TMEM62: variants seen among roughly 807,000 people sequenced by gnomAD.
TMEM62 encodes the protein transmembrane protein 62.
Under a neutral mutation model 70.4 loss-of-function variants are expected in TMEM62, and 41 were observed. The observed-to-expected ratio is 0.58, with a 90% CI of 0.45 to 0.76. The LOEUF (loss-of-function observed/expected upper bound fraction) is 0.76, where lower values mean the gene tolerates loss of function less well. Among genes scored for constraint, TMEM62 ranks in the 30% least tolerant of loss-of-function variants. The pLI, the probability that TMEM62 is intolerant of heterozygous loss-of-function variation, is 0.00. For missense variants in TMEM62, 688 were observed against 788.5 expected (o/e 0.87, Z 1.53); for synonymous variants, 268 against 291.0 (o/e 0.92, Z 0.80).
intron 11 of TMEM62, among the ~76,000 whole-genome samples, chr15:43,172,573 G>A (rs967767800): frequency 6.6e-6 from 1 of 152,112 alleles, no homozygotes; most frequent in African/African-American, 2.4e-5. Flanking sequence ...ATATAGTTTT[G>A]TGACCTTTTG....
rs1206695325 is a variant in TMEM62 at position 43,154,657 on chromosome 15, A to G, written c.1023-15A>G. 11 of 1,592,192 alleles carry G rather than the reference A, an allele frequency of 6.9e-6. No individual in the cohort carries two copies. Among genetic ancestry groups the G allele is most frequent in the South Asian group, 1.1e-5 (1 of 87,114 alleles). On this transcript the variant is annotated splice_polypyrimidine_tract_variant and intron_variant, in intron 8 of 13. Coordinates refer to ENST00000260403, the MANE Select transcript of TMEM62 (RefSeq NM_024956.4). ...AAACCTCAAACCATGTGTTTTATATATGCTCTCATTTTAGAGTCTTGGCCT... is the reference window on the plus strand; with the variant it reads ...AAACCTCAAACCATGTGTTTTATATGTGCTCTCATTTTAGAGTCTTGGCCT...
At chr15:43,155,025 C>T (rs934277860) in intron 9 of TMEM62, among the ~76,000 whole-genome samples, 194 bp downstream of exon 9, 12 of 152,070 alleles carry the variant, frequency 7.9e-5, no homozygotes, top group African/African-American at 2.9e-4. Context: ...CATAGGAGTT[C>T]GAGACCAGCC....
At chr15:43,158,236 C>T (rs1375976555) in intron 9 of TMEM62, among the ~76,000 whole-genome samples, 4 of 152,050 alleles carry the variant, frequency 2.6e-5, no homozygotes, top group Non-Finnish European at 5.9e-5. Flanking sequence ...ACAGGATGCC[C>T]ATAATATTTG....
chr15:43,155,098 A>G (rs1007681598), intron 9 of TMEM62, among the ~76,000 whole-genome samples: 10 of 152,124 alleles, frequency 6.6e-5, no homozygotes, highest in South Asian at 2.1e-4. Context: ...GCACAGTGGC[A>G]TGTGCCTGTA....
intron 11 of TMEM62, among the ~76,000 whole-genome samples, chr15:43,171,793 A>C (rs973305431): frequency 4.0e-5 from 6 of 151,512 alleles, no homozygotes; most frequent in African/African-American, 4.9e-5. Flanking sequence ...ACGCCTGGCT[A>C]ATTTTTTGCA....
intron 11 of TMEM62, among the ~76,000 whole-genome samples, chr15:43,176,874 C>G: frequency 6.6e-6 from 1 of 152,098 alleles, no homozygotes; most frequent in South Asian, 2.1e-4. Flanking sequence ...AGGCTTCAGA[C>G]GATCAAACTA....
At chr15:43,135,850 C>T (rs1056479735) in intron 3 of TMEM62, 14 of 487,808 alleles carry the variant, frequency 2.9e-5, no homozygotes, top group African/African-American at 2.2e-4. Context: ...TTGGTATGGT[C>T]CTTTTTTTGT....
intron 11 of TMEM62, among the ~76,000 whole-genome samples, chr15:43,170,878 T>C (rs2040114965): frequency 6.6e-6 from 1 of 152,160 alleles, no homozygotes; most frequent in Non-Finnish European, 1.5e-5. Flanking sequence ...AGAAAAAGCA[T>C]GGGAAATTTC....
chr15:43,146,388 G>T, intron 4 of TMEM62, 105 bp from the exon 5 acceptor site: 1 of 1,078,632 alleles, frequency 9.3e-7, no homozygotes. Flanking sequence ...TGTCAGATCA[G>T]CAAATCTCGT....
chr15:43,138,046 C>T (rs1567175202), intron 3 of TMEM62, among the ~76,000 whole-genome samples: 1 of 152,248 alleles, frequency 6.6e-6, no homozygotes, highest in African/African-American at 2.4e-5. Context: ...CTACCTGCTG[C>T]AGCCCTGAAG....
At chr15:43,168,007 G>A (rs894089659) in intron 10 of TMEM62, among the ~76,000 whole-genome samples, 2 of 151,850 alleles carry the variant, frequency 1.3e-5, no homozygotes, top group East Asian at 3.9e-4. Context: ...GCCTGCAATC[G>A]CAGGCACTCG....
Position 43,154,759 on chromosome 15 carries a change from TC to T in TMEM62, c.1113del (p.Ile372PhefsTer4), listed in dbSNP as rs1199869400. 6.2e-7 allele frequency: 1 copy of T among 1,613,886 alleles called. No individual in the cohort carries two copies. The highest frequency in any genetic ancestry group is 1.3e-5 in the African/African-American group (1 of 74,920). Reference sequence around the variant, plus strand: ...TAGGCCAGGCTGTTCATGTGTCTGGTCCCATTTTCGTACTGAAGTGGAATCC... The same window carrying T: ...TAGGCCAGGCTGTTCATGTGTCTGGTCCATTTTCGTACTGAAGTGGAATCC... The part of the protein sequence containing the change: ...HLGQAVHVSG[P>X]IFVLKWNPRN... On this transcript the variant is annotated frameshift_variant, in exon 9 of 14. Transcript: ENST00000260403. LOFTEE classifies it high-confidence loss of function.
intron 11 of TMEM62, 121 bp from the exon 12 acceptor site, chr15:43,178,486 C>T (rs2041005173): frequency 4.9e-6 from 3 of 616,612 alleles, no homozygotes; most frequent in South Asian, 4.5e-5. Context: ...TGTATAGTTA[C>T]CATCTAACAA....
chr15:43,167,984 C>T (rs1201678496), intron 10 of TMEM62, among the ~76,000 whole-genome samples: 2 of 151,986 alleles, frequency 1.3e-5, no homozygotes, highest in Non-Finnish European at 1.5e-5. Context: ...ACCAGTCAGG[C>T]GTGGCGGCGC....
chr15:43,144,076 GA>G (rs1305698377), intron 4 of TMEM62, among the ~76,000 whole-genome samples: 1 of 152,194 alleles, frequency 6.6e-6, no homozygotes, highest in Non-Finnish European at 1.5e-5. Context: ...ATCACTATGA[GA>G]AATTAGAAAA....
Position 43,141,719 on chromosome 15 carries a change from G to T in TMEM62, c.476+3100G>T, listed in dbSNP as rs539001582. Among the ~76,000 whole-genome samples, 5 of 152,284 alleles carry T rather than the reference G, an allele frequency of 3.3e-5. No homozygotes were observed. The East Asian group carries it at 9.6e-4, about 29-fold the overall frequency. ...CAGTCAATTGAAAAATTTATGGAAA[G>T]GATTCACCATTCTAGATGCCATTAA... On this transcript the variant is annotated intron_variant, in intron 4 of 13. Transcript: ENST00000260403.
intron 4 of TMEM62, among the ~76,000 whole-genome samples, chr15:43,145,561 G>A (rs1567186814): frequency 6.6e-6 from 1 of 152,232 alleles, no homozygotes; most frequent in African/African-American, 2.4e-5. Flanking sequence ...AATTGACATT[G>A]TTTAAATTGG....
At chr15:43,159,323 A>T (rs2038405247) in intron 9 of TMEM62, among the ~76,000 whole-genome samples, 1 of 152,208 alleles carries the variant, frequency 6.6e-6, no homozygotes, top group South Asian at 2.1e-4. Context: ...ATCAAATAGT[A>T]GGTCTTATTC....
chr15:43,179,154 C>T (rs1469956003), intron 12 of TMEM62, among the ~76,000 whole-genome samples: 1 of 152,058 alleles, frequency 6.6e-6, no homozygotes, highest in Admixed American at 6.5e-5. Flanking sequence ...GTTCCAGCTA[C>T]TTGGGGGCTG....
Sources: gnomAD v4.1 joint callset for allele counts (sites outside exome capture counted in the v4.1 genomes callset) on GRCh38, gnomAD v4.1.1 for gene constraint, MANE v1.5 for transcripts, NCBI Gene and HGNC (gene_info 2026-07-23, HGNC 2026-07-21) for gene names.